Variants in PVT1 observed in about 807,000 individuals in gnomAD.
PVT1 encodes the protein Pvt1 oncogene, also known as CXCR4/PVT1 fusion.
At chr8:127,965,000 C>A (rs1563652108) in intron 3 of PVT1, among the ~76,000 whole-genome samples, 1 of 151,988 alleles carries the variant, frequency 6.6e-6, no homozygotes, top group Non-Finnish European at 1.5e-5. Context: ...GCCCTTTTCC[C>A]AAATAAGGTC....
intron 3 of PVT1, chr8:127,947,374 A>G (rs1816434318): frequency 3.9e-6 from 1 of 257,068 alleles, no homozygotes; most frequent in African/African-American, 2.2e-5. Context: ...GTGGATCGAG[A>G]GAGTTTGGGC....
intron 3 of PVT1, among the ~76,000 whole-genome samples, chr8:127,975,639 T>G (rs937635096): frequency 3.3e-5 from 5 of 152,240 alleles, no homozygotes; most frequent in African/African-American, 4.8e-5. Flanking sequence ...CTTCACGTCG[T>G]GGGGTTCTGC....
At chr8:128,067,112 A>AT (rs1813920315) in intron 4 of PVT1, among the ~76,000 whole-genome samples, 1 of 152,126 alleles carries the variant, frequency 6.6e-6, no homozygotes, top group Non-Finnish European at 1.5e-5. Context: ...CCCACACTCA[A>AT]TTAATCTTTG....
chr8:127,937,580 C>CACACACACACAG (rs59006608), intron 3 of PVT1, among the ~76,000 whole-genome samples: 18 of 107,866 alleles, frequency 1.7e-4, no homozygotes, highest in African/African-American at 4.1e-4. Context: ...CACACACACA[C>CACACACACACAG]AGAGAGAGAG....
intron 3 of PVT1, among the ~76,000 whole-genome samples, chr8:127,976,497 T>C (rs1312365335): frequency 6.6e-6 from 1 of 152,220 alleles, no homozygotes; most frequent in Non-Finnish European, 1.5e-5. Flanking sequence ...GTCCTCCTGC[T>C]GAACCTCCCA....
chr8:127,946,167 G>A (rs1816417902), intron 3 of PVT1, among the ~76,000 whole-genome samples: 1 of 152,184 alleles, frequency 6.6e-6, no homozygotes, highest in Non-Finnish European at 1.5e-5. Flanking sequence ...TAGGGCGATT[G>A]GCCTTTCTGC....
chr8:128,081,491 C>T (rs1157114907), intron 5 of PVT1, among the ~76,000 whole-genome samples: 1 of 152,132 alleles, frequency 6.6e-6, no homozygotes, highest in East Asian at 1.9e-4. Context: ...TGCATTTGTT[C>T]AGAGATTTTT....
At chr8:128,046,900 C>T (rs1689151417) in intron 4 of PVT1, among the ~76,000 whole-genome samples, 1 of 152,198 alleles carries the variant, frequency 6.6e-6, no homozygotes, top group Non-Finnish European at 1.5e-5. Flanking sequence ...TTGGTTTTCT[C>T]CAGGGGACCA....
chr8:127,814,437 A>G (rs1164385773), intron 2 of PVT1, among the ~76,000 whole-genome samples: 1 of 152,156 alleles, frequency 6.6e-6, no homozygotes, highest in African/African-American at 2.4e-5. Context: ...GTTGTGTCTT[A>G]ATGAGCAGTT....
intron 4 of PVT1, chr8:127,989,423 G>A (rs1199449186): frequency 2.0e-5 from 3 of 152,024 alleles, no homozygotes; most frequent in Non-Finnish European, 2.9e-5. Context: ...CAATGTGTTC[G>A]GGAAGCTGGC....
intron 3 of PVT1, among the ~76,000 whole-genome samples, chr8:127,968,775 G>A (rs987877227): frequency 6.6e-6 from 1 of 152,130 alleles, no homozygotes; most frequent in Admixed American, 6.5e-5. Context: ...ATCCAATGAA[G>A]GATGTTTTTC....
intron 3 of PVT1, among the ~76,000 whole-genome samples, chr8:127,983,525 A>G (rs1359734779): frequency 6.6e-6 from 1 of 152,142 alleles, no homozygotes; most frequent in Admixed American, 6.5e-5. Context: ...AATTATGAAC[A>G]TATGAAGAAC....
At chr8:128,007,316 A>G (rs927672414) in intron 4 of PVT1, among the ~76,000 whole-genome samples, 63 of 152,356 alleles carry the variant, frequency 4.1e-4, no homozygotes, top group Middle Eastern at 3.4e-3. Context: ...CAGTTAAATA[A>G]TTGTACTGTG....
intron 3 of PVT1, among the ~76,000 whole-genome samples, chr8:127,943,472 G>A (rs977386831): frequency 6.6e-6 from 1 of 152,214 alleles, no homozygotes; most frequent in Admixed American, 6.5e-5. Flanking sequence ...GTCTACAGCA[G>A]AGTTTCTCAG....
Position 128,037,752 on chromosome 8 carries a change from A to G in PVT1, n.913-32408A>G, listed in dbSNP as rs577297800. 3.9e-5 allele frequency among the ~76,000 whole-genome samples: 6 copies of G among 152,274 alleles called. No individual in the cohort carries two copies. In the South Asian group the frequency reaches 1.2e-3, roughly 32 times the overall value. ...AGTCTCTGCCCCTGCCTTCCAGGTA[A>G]ACACAAATGCTGCTCGCGTTGGTGG... On this transcript the variant is annotated intron_variant and non_coding_transcript_variant, in intron 4 of 10. Coordinates refer to ENST00000651587, the Ensembl canonical transcript of PVT1.
rs536242498 is a variant in PVT1 at position 128,000,168 on chromosome 8, A to T, written n.912+10877A>T. 2.5e-4 allele frequency among the ~76,000 whole-genome samples: 38 copies of T among 152,072 alleles called. No homozygotes were observed. The South Asian group carries it at 7.5e-3, about 30-fold the overall frequency. ...TCTTCCCCTGCACACTGCTCCTAGA[A>T]CCCCTTGGTTAGCCCCATCAGGGAT... On this transcript the variant is annotated intron_variant and non_coding_transcript_variant, in intron 4 of 10. Transcript: ENST00000651587.
chr8:127,879,453 C>T (rs1041067852), intron 2 of PVT1, among the ~76,000 whole-genome samples: 1 of 152,184 alleles, frequency 6.6e-6, no homozygotes, highest in African/African-American at 2.4e-5. Context: ...CACTTGAACC[C>T]AGGAGGTGGA....
intron 4 of PVT1, among the ~76,000 whole-genome samples, chr8:128,012,682 G>T (rs1293575547): frequency 1.3e-5 from 2 of 152,110 alleles, no homozygotes; most frequent in Non-Finnish European, 2.9e-5. Context: ...ATTCTTTCTT[G>T]CACTCTTGCT....
chr8:127,855,368 A>C (rs2129741096), intron 2 of PVT1: 1 of 395,710 alleles, frequency 2.5e-6, no homozygotes, highest in Non-Finnish European at 4.5e-6. Context: ...GTGTGCGGAA[A>C]TTGGATGGCT....
Sources: allele counts gnomAD v4.1 joint callset (sites outside exome capture counted in the v4.1 genomes callset), GRCh38; gene constraint gnomAD v4.1.1; transcripts MANE v1.5; gene names NCBI Gene and HGNC (gene_info 2026-07-23, HGNC 2026-07-21).